FNIP1: variants seen among roughly 807,000 people sequenced by gnomAD.
FNIP1 encodes the protein folliculin interacting protein 1, also known as folliculin-interacting protein 1.
In FNIP1, 40 loss-of-function variants were observed where a neutral mutation model predicts 124.5. That is an observed-to-expected ratio of 0.32 (90% CI 0.25 to 0.42). FNIP1 has a LOEUF of 0.42. FNIP1 is among the 10% of genes least tolerant of loss of function. FNIP1 has a pLI of 1.00. For synonymous variants in FNIP1, 472 were observed against 470.6 expected, an observed-to-expected ratio of 1.00 and a Z score of -0.04; for missense variants, 1,176 against 1,403.7, an observed-to-expected ratio of 0.84 and a Z score of 2.59.
chr5:131,719,693 C>G (rs891401675), intron 3 of FNIP1, among the ~76,000 whole-genome samples: 3 of 152,178 alleles, frequency 2.0e-5, no homozygotes, highest in Non-Finnish European at 2.9e-5. Context: ...GTTCCCTTTA[C>G]TCACGGGCAT....
At chr5:131,766,120 T>C (rs80343277) in intron 1 of FNIP1, among the ~76,000 whole-genome samples, 2 of 151,988 alleles carry the variant, frequency 1.3e-5, no homozygotes, top group Non-Finnish European at 2.9e-5. Context: ...TTTTTTTTTT[T>C]CTTTTGAGAC....
chr5:131,739,812 C>CAAAAAA (rs60928249), intron 2 of FNIP1, among the ~76,000 whole-genome samples: 7 of 31,324 alleles, frequency 2.2e-4, no homozygotes, highest in African/African-American at 3.0e-4. Context: ...GACTCCAGCT[C>CAAAAAA]AAAAAAAAAA....
chr5:131,757,263 C>T (rs1771080130), intron 1 of FNIP1, among the ~76,000 whole-genome samples: 1 of 152,142 alleles, frequency 6.6e-6, no homozygotes, highest in South Asian at 2.1e-4. Flanking sequence ...GCTCAAGGTA[C>T]AGCCAAGAAG....
intron 15 of FNIP1, among the ~76,000 whole-genome samples, chr5:131,668,446 G>A (rs1767662256): frequency 6.6e-6 from 1 of 152,208 alleles, no homozygotes; most frequent in Admixed American, 6.5e-5. Context: ...AGCACTTTGG[G>A]AGGCTGAGGT....
At chr5:131,659,338 C>A (rs559172931) in intron 15 of FNIP1, among the ~76,000 whole-genome samples, 1 of 152,308 alleles carries the variant, frequency 6.6e-6, no homozygotes, top group African/African-American at 2.4e-5. Flanking sequence ...GCTGGAAGAG[C>A]GCCTCAGGGC....
chr5:131,672,157 A>C lies in FNIP1; in HGVS notation c.2287T>G (p.Ser763Ala). The C allele has an allele frequency of 6.2e-7, 1 of 1,614,220 alleles. No homozygotes were observed. Among genetic ancestry groups the C allele is most frequent in the Non-Finnish European group, 8.5e-7 (1 of 1,180,048 alleles). The part of the protein sequence containing the change: ...FLIGDSMSPD[S>A]DTELRSQAVV... ...GCCTGACTTCGAAGCTCAGTATCTG[A>C]ATCAGGTGACATAGAATCCCCAATC... The change falls in exon 14 of 18, where the codon TCA (serine) becomes GCA (alanine). Residue 763 changes from serine to alanine, a missense_variant. Physicochemically the swap from Ser to Ala is moderately conservative, Grantham distance 99. Transcript: ENST00000510461.
intron 3 of FNIP1, among the ~76,000 whole-genome samples, chr5:131,726,938 T>C (rs1769897140): frequency 6.6e-6 from 1 of 152,232 alleles, no homozygotes. Flanking sequence ...GGTTGTTCAG[T>C]TTCTAAGTAG....
chr5:131,683,602 G>A (rs1768165765), intron 11 of FNIP1, among the ~76,000 whole-genome samples: 4 of 149,776 alleles, frequency 2.7e-5, no homozygotes, highest in Admixed American at 2.7e-4. Context: ...AATACCAAAT[G>A]CAGTGTAAAT....
At chr5:131,652,181 G>A (rs184439606) in intron 15 of FNIP1, among the ~76,000 whole-genome samples, 182 bp from the exon 16 acceptor site, 17 of 152,126 alleles carry the variant, frequency 1.1e-4, no homozygotes, top group Non-Finnish European at 2.2e-4. Flanking sequence ...ACATATTATA[G>A]ATATCATCGT....
chr5:131,679,468 C>T (rs917487435), intron 11 of FNIP1, among the ~76,000 whole-genome samples: 3 of 152,082 alleles, frequency 2.0e-5, no homozygotes, highest in Non-Finnish European at 4.4e-5. Flanking sequence ...TGAAAGGATA[C>T]GATGATAATT....
At chr5:131,725,940 A>G (rs1209800080) in intron 3 of FNIP1, among the ~76,000 whole-genome samples, 3 of 152,058 alleles carry the variant, frequency 2.0e-5, no homozygotes, top group African/African-American at 7.2e-5. Flanking sequence ...CCTTTTCTGC[A>G]TCTGAGATAA....
chr5:131,745,168 A>G (rs1770634052), intron 1 of FNIP1, among the ~76,000 whole-genome samples: 1 of 152,176 alleles, frequency 6.6e-6, no homozygotes, highest in Non-Finnish European at 1.5e-5. Context: ...CAAAAAAAAA[A>G]AAGTGGAGAG....
At chr5:131,706,165 T>C (rs1769101854) in intron 9 of FNIP1, among the ~76,000 whole-genome samples, 3 of 152,126 alleles carry the variant, frequency 2.0e-5, no homozygotes, top group African/African-American at 7.2e-5. Flanking sequence ...AGTTGGATGG[T>C]GATGATGGTT....
In FNIP1 at chr5:131,671,697, C is replaced by T; in HGVS notation, c.2747G>A (p.Gly916Glu). Residue 916 changes from glycine (G) to glutamate (E), a missense_variant, in exon 14 of 18, where the codon GGG (glycine) becomes GAG (glutamate). Around this residue, in one of 2 missense-constraint regions of FNIP1, gnomAD observed 1,109 missense variants for 1,288.5 expected, o/e 0.86. Transcript: ENST00000510461. ...TTTTTTATCTGAACTCTCTTTATCC[C>T]CATGGGGGACAAGAATGGAGAGTGT... ...RDTLSILVPH[G>E]DKESSDKKIA... 6.2e-7 allele frequency: 1 copy of T among 1,614,106 alleles called. No homozygotes were observed. Among genetic ancestry groups the T allele is most frequent in the Non-Finnish European group, 8.5e-7 (1 of 1,180,014 alleles).
chr5:131,733,437 T>G (rs193011267), intron 2 of FNIP1, among the ~76,000 whole-genome samples: 4 of 152,194 alleles, frequency 2.6e-5, no homozygotes, highest in African/African-American at 7.2e-5. Flanking sequence ...CCAGTTTTTG[T>G]CCATTCAGTA....
rs139005645 is a variant in FNIP1, at chr5:131,757,991, T to C, written c.93-13301A>G. On this transcript the variant is annotated intron_variant, in intron 1 of 17. Coordinates refer to ENST00000510461, the MANE Select transcript of FNIP1 (RefSeq NM_133372.3). ...ACTTCTGCAGAGTATGTCCCTGAAA[T>C]GGTGAAGTGTTACTAATAAAGTTCT... is the stretch of plus-strand genomic sequence containing the variant. Among the ~76,000 whole-genome samples, 211 of 152,252 alleles carry C rather than the reference T, an allele frequency of 1.4e-3. 1 individual carries two copies. Among genetic ancestry groups the C allele is most frequent in the Admixed American group, 0.012 (185 of 15,288 alleles).
chr5:131,725,398 C>T (rs1561675552), intron 3 of FNIP1, among the ~76,000 whole-genome samples: 1 of 152,076 alleles, frequency 6.6e-6, no homozygotes, highest in Non-Finnish European at 1.5e-5. Flanking sequence ...TGTAGTTCTC[C>T]TTGAAGAGGT....
intron 12 of FNIP1, among the ~76,000 whole-genome samples, chr5:131,678,405 G>GT (rs1213138268): frequency 6.6e-6 from 1 of 151,742 alleles, no homozygotes; most frequent in Non-Finnish European, 1.5e-5. Flanking sequence ...TTCCTTATAT[G>GT]TTTTTTTTGT....
At chr5:131,772,321 G>C (rs1326335038) in intron 1 of FNIP1, among the ~76,000 whole-genome samples, 1 of 151,066 alleles carries the variant, frequency 6.6e-6, no homozygotes, top group Non-Finnish European at 1.5e-5. Flanking sequence ...TGTAGTGTTG[G>C]TTATATGACT....
Sources: allele counts gnomAD v4.1 joint callset (sites outside exome capture counted in the v4.1 genomes callset), GRCh38; gene constraint gnomAD v4.1.1; regional missense constraint gnomAD v4.1.1; transcripts MANE v1.5; gene names NCBI Gene and HGNC (gene_info 2026-07-23, HGNC 2026-07-21).